SLFN12L: variants seen among roughly 807,000 people sequenced by gnomAD.
SLFN12L encodes the protein schlafen family member 12 like, also known as schlafen family member 12-like.
In SLFN12L, 34 loss-of-function variants were observed where a neutral mutation model predicts 34.8. That is an observed-to-expected ratio of 0.98 (90% confidence interval 0.74 to 1.30). The LOEUF is 1.30. SLFN12L is among the 50% of genes most tolerant of loss of function. The pLI is 0.00. For missense variants in SLFN12L, 703 were observed against 696.2 expected (o/e 1.01, Z -0.11); for synonymous variants, 259 against 247.5 (o/e 1.05, Z -0.44).
chr17:35,482,096 C>G (rs1259224209), intron 2 of SLFN12L, among the ~76,000 whole-genome samples: 3 of 152,170 alleles, frequency 2.0e-5, no homozygotes, highest in Non-Finnish European at 2.9e-5. Flanking sequence ...ATGATCCTGA[C>G]CTCAGATGAT....
At chr17:35,480,408 C>T (rs34652540) in intron 2 of SLFN12L, 5 of 425,752 alleles carry the variant, frequency 1.2e-5, no homozygotes, top group Admixed American at 4.0e-5. Flanking sequence ...CTGTTTTATA[C>T]GATCTTATTC....
At chr17:35,530,575 T>G (rs2072401914) in intron 1 of SLFN12L, among the ~76,000 whole-genome samples, 1 of 149,994 alleles carries the variant, frequency 6.7e-6, no homozygotes, top group African/African-American at 2.5e-5. Context: ...GGAGAGAAGT[T>G]AAACTTTTGG....
At position 35,480,154 on chromosome 17, in the gene SLFN12L, A is replaced by C. The variant is rs763801914; in HGVS notation, c.128T>G (p.Met43Arg). ...TGTGTCTAAATCAATACTGATGTTCATTTTCCCAGCAGCTAAGCCATTTCC... is the reference window on the plus strand; with the variant it reads ...TGTGTCTAAATCAATACTGATGTTCCTTTTCCCAGCAGCTAAGCCATTTCC... The part of the protein sequence containing the change: ...LRGNGLAAGK[M>R]NISIDLDTNY... The change falls in exon 3 of 5, where the codon ATG (methionine) becomes AGG (arginine). Residue 43 changes from methionine to arginine, a missense_variant. By Grantham distance (91) the Met-to-Arg change is moderately conservative. Transcript: ENST00000628453. 1 of 1,604,468 alleles carries C rather than the reference A, an allele frequency of 6.2e-7. No homozygotes were observed. Among genetic ancestry groups the C allele is most frequent in the Non-Finnish European group, 8.5e-7 (1 of 1,175,560 alleles).
At chr17:35,514,039 G>A (rs569398985) in intron 2 of SLFN12L, among the ~76,000 whole-genome samples, 1 of 152,344 alleles carries the variant, frequency 6.6e-6, no homozygotes, top group East Asian at 1.9e-4. Context: ...GAAGCTGAAA[G>A]GGACACTTTG....
At position 35,480,213 on chromosome 17, in the gene SLFN12L, T is replaced by C. The variant is rs1193329641; in HGVS notation, c.87-18A>G. 6.5e-7 allele frequency: 1 copy of C among 1,533,006 alleles called. No homozygotes were observed. Among genetic ancestry groups the C allele is most frequent in the East Asian group, 2.3e-5 (1 of 42,860 alleles). 95.0% of individuals were successfully genotyped at this position (1,533,006 alleles called of 1,614,324 possible). A position where few individuals can be genotyped will look rare whatever the true frequency, so the allele number is the denominator to read the frequency against. On this transcript the variant is annotated intron_variant, in intron 2 of 4. Transcript: ENST00000628453. The stretch of plus-strand genomic sequence containing the variant: ...ATTCTTTTCTGTAAAATAGAGCCGT[T>C]AGAATAGGAGTTAAGCCTGAGAGAC...
At chr17:35,513,078 T>C (rs1915708822) in intron 2 of SLFN12L, among the ~76,000 whole-genome samples, 1 of 152,194 alleles carries the variant, frequency 6.6e-6, no homozygotes, top group Non-Finnish European at 1.5e-5. Context: ...CAGTCACCAC[T>C]GCACTGGGGT....
rs555114949 is a variant in SLFN12L, at chr17:35,496,509, C to T, written c.87-16314G>A. Among the ~76,000 whole-genome samples, 6 of 151,450 alleles carry T rather than the reference C, an allele frequency of 4.0e-5. No individual in the cohort carries two copies. The South Asian group carries it at 1.3e-3, about 32-fold the overall frequency. Reference sequence around the variant, plus strand: ...TACCCTTCCTTCTTCCGACTTCCCCCCTCCCCACCGTCCCTCCGGCCCCTC... The same window carrying T: ...TACCCTTCCTTCTTCCGACTTCCCCTCTCCCCACCGTCCCTCCGGCCCCTC... On this transcript the variant is annotated intron_variant, in intron 2 of 4. Transcript: ENST00000628453.
At chr17:35,490,256 C>T in intron 2 of SLFN12L, 2 of 1,535,018 alleles carry the variant, frequency 1.3e-6, no homozygotes, top group Non-Finnish European at 1.8e-6. Context: ...TCATCAGTAC[C>T]TCTCGGATGG....
In SLFN12L at chr17:35,464,552, G is replaced by C. The variant is rs916329024; in HGVS notation, c.*10371C>G. 1.3e-5 allele frequency: 2 copies of C among 151,988 alleles called. No individual in the cohort carries two copies. The highest frequency in any genetic ancestry group is 2.9e-5 in the Non-Finnish European group (2 of 68,008). The allele number at this position is 151,988 out of a possible 1,614,324, so 9.4% of individuals were successfully genotyped here. ...TTCTGTTCTTAAGTTAGTTTGCTAA[G>C]GGTAATGGCCTCCAGTTCCATCCAT... On this transcript the variant is annotated 3_prime_UTR_variant, in exon 5 of 5. Transcript: ENST00000628453.
intron 3 of SLFN12L, chr17:35,478,570 A>C (rs1914140597): frequency 5.2e-6 from 1 of 193,832 alleles, no homozygotes; most frequent in Non-Finnish European, 1.0e-5. Flanking sequence ...GAGATTTTGT[A>C]AGTTGCTAGT....
Position 35,487,745 on chromosome 17 carries a change from C to T in SLFN12L, c.87-7550G>A, listed in dbSNP as rs551192455. 2.6e-6 allele frequency: 4 copies of T among 1,536,060 alleles called. No homozygotes were observed. The South Asian group carries it at 4.8e-5, about 18-fold the overall frequency. ...ACGAACCTGGCGAGGTCCATGTCTG[C>T]GCACTCTTCACCAAGTAGGGGGACC... On this transcript the variant is annotated intron_variant, in intron 2 of 4. Coordinates refer to ENST00000628453, the MANE Select transcript of SLFN12L (RefSeq NM_001363830.2).
chr17:35,522,149 G>A (rs1034581649), intron 2 of SLFN12L, 130 bp downstream of exon 2: 23 of 1,260,496 alleles, frequency 1.8e-5, no homozygotes, highest in Non-Finnish European at 2.4e-5. Context: ...TTACCCCATT[G>A]TGCTCTCCTA....
intron 1 of SLFN12L, among the ~76,000 whole-genome samples, chr17:35,533,489 T>C (rs1597889895): frequency 6.6e-6 from 1 of 152,162 alleles, no homozygotes; most frequent in Non-Finnish European, 1.5e-5. Context: ...GAGCTTAGAA[T>C]GGAAACACTG....
chr17:35,515,231 A>T (rs1164410713), intron 2 of SLFN12L: 1 of 510,710 alleles, frequency 2.0e-6, no homozygotes, highest in East Asian at 4.8e-5. Context: ...GGTGGGGGAA[A>T]GGAGCGGTTG....
At chr17:35,495,401 G>T (rs1289048560) in intron 2 of SLFN12L, among the ~76,000 whole-genome samples, 1 of 152,046 alleles carries the variant, frequency 6.6e-6, no homozygotes. Flanking sequence ...CTTTAAATAC[G>T]TACAGTTTCA....
At chr17:35,507,823 A>T (rs1264992990) in intron 2 of SLFN12L, among the ~76,000 whole-genome samples, 1 of 152,248 alleles carries the variant, frequency 6.6e-6, no homozygotes, top group Non-Finnish European at 1.5e-5. Flanking sequence ...ATGAATCACT[A>T]TCGATCTGTC....
At position 35,466,067 on chromosome 17, in the gene SLFN12L, G is replaced by A. The variant is rs534456877; in HGVS notation, c.*8856C>T. Among the ~76,000 whole-genome samples the A allele has an allele frequency of 6.6e-5, 10 of 152,046 alleles. No homozygotes were observed. Among genetic ancestry groups the A allele is most frequent in the South Asian group, 2.1e-4 (1 of 4,812 alleles). ...AAGATTTTCCATATACCCACTGCCC[G>A]CACTCATGCATAGCCTCCCCCATTA... On this transcript the variant is annotated 3_prime_UTR_variant, in exon 5 of 5. Coordinates refer to ENST00000628453, the MANE Select transcript of SLFN12L (RefSeq NM_001363830.2).
intron 2 of SLFN12L, among the ~76,000 whole-genome samples, chr17:35,518,315 G>T (rs1915896582): frequency 1.3e-5 from 2 of 152,232 alleles, no homozygotes; most frequent in African/African-American, 4.8e-5. Context: ...ATTTTGGGAT[G>T]CCGAGGTGGG....
At chr17:35,486,419 C>A (rs2142135875) in intron 2 of SLFN12L, among the ~76,000 whole-genome samples, 1 of 152,232 alleles carries the variant, frequency 6.6e-6, no homozygotes, top group Non-Finnish European at 1.5e-5. Context: ...ACGCATACCA[C>A]TGGGAAACTT....
Sources: gnomAD v4.1 joint callset for allele counts (sites outside exome capture counted in the v4.1 genomes callset) on GRCh38, gnomAD v4.1.1 for gene constraint, MANE v1.5 for transcripts, NCBI Gene and HGNC (gene_info 2026-07-23, HGNC 2026-07-21) for gene names.